PPP2R2D: variants seen among roughly 807,000 people sequenced by gnomAD.
PPP2R2D encodes protein phosphatase 2 regulatory subunit Bdelta, also known as serine/threonine-protein phosphatase 2A 55 kDa regulatory subunit B delta isoform.
Under a neutral mutation model 31.1 loss-of-function variants are expected in PPP2R2D, and 9 were observed. That is an observed-to-expected ratio of 0.29 (90% confidence interval 0.17 to 0.51). The LOEUF is 0.51. Among genes scored for constraint, PPP2R2D ranks in the 20% least tolerant of loss-of-function variants. The pLI is 0.98. For synonymous variants in PPP2R2D, 179 were observed against 172.6 expected (o/e 1.04, Z -0.29); for missense variants, 391 against 465.6 (o/e 0.84, Z 1.48).
intron 2 of PPP2R2D, among the ~76,000 whole-genome samples, chr10:131,916,542 C>G (rs367591990): frequency 6.6e-6 from 1 of 152,238 alleles, no homozygotes; most frequent in Non-Finnish European, 1.5e-5. Context: ...CTCCCCTTCT[C>G]CCCTTCCCCG....
intron 8 of PPP2R2D, among the ~76,000 whole-genome samples, chr10:131,955,049 C>T (rs1213931332): frequency 2.0e-5 from 3 of 152,064 alleles, no homozygotes; most frequent in African/African-American, 7.2e-5. Context: ...AGGATGTGTG[C>T]GGTAGTAGAA....
At chr10:131,912,929 CTT>C (rs1444557637) in intron 2 of PPP2R2D, among the ~76,000 whole-genome samples, 32 of 152,170 alleles carry the variant, frequency 2.1e-4, no homozygotes, top group Non-Finnish European at 4.3e-4. Context: ...GTGCACATTT[CTT>C]GTTTCTATTC....
intron 2 of PPP2R2D, among the ~76,000 whole-genome samples, chr10:131,908,660 C>T (rs2035635560): frequency 6.6e-6 from 1 of 152,222 alleles, no homozygotes; most frequent in Admixed American, 6.5e-5. Flanking sequence ...CTTTTCTCAT[C>T]TGTTAAACGG....
downstream of PPP2R2D, among the ~76,000 whole-genome samples, chr10:131,960,465 C>T (rs2036908223): frequency 6.6e-6 from 1 of 152,134 alleles, no homozygotes; most frequent in African/African-American, 2.4e-5. Flanking sequence ...TTTATGATGC[C>T]CTCGTGGACA....
At chr10:131,923,965 G>T (rs1156422219) in intron 2 of PPP2R2D, among the ~76,000 whole-genome samples, 8 of 152,082 alleles carry the variant, frequency 5.3e-5, no homozygotes, top group African/African-American at 1.7e-4. Flanking sequence ...TTGCTGTGTT[G>T]CCCAGGCTGG....
chr10:131,945,702 C>T lies in PPP2R2D; in HGVS notation c.820+243C>T, dbSNP rs1202079597. ...CTGACCTCAGGTGATCCCCCTACCT[C>T]GGCCTCCCAAAGTGCTGGGATTACA... On this transcript the variant is annotated intron_variant, in intron 7 of 8. Transcript: ENST00000455566. The surrounding 1 kb of genome is among the most constrained non-coding windows in gnomAD (Gnocchi z 4.8). The T allele has an allele frequency of 1.1e-5, 5 of 462,482 alleles. No homozygotes were observed. Among genetic ancestry groups the T allele is most frequent in the African/African-American group, 7.9e-5 (4 of 50,856 alleles). The allele number at this position is 462,482 out of a possible 1,614,324, so 28.6% of individuals were successfully genotyped here.
At chr10:131,939,014 CAG>C (rs1362965975) in intron 3 of PPP2R2D, among the ~76,000 whole-genome samples, 1 of 152,264 alleles carries the variant, frequency 6.6e-6, no homozygotes, top group African/African-American at 2.4e-5. Context: ...CAGAAGCAGC[CAG>C]AGACAGTATG....
chr10:131,946,860 A>G (rs532663573), intron 7 of PPP2R2D, among the ~76,000 whole-genome samples: 1 of 152,156 alleles, frequency 6.6e-6, no homozygotes, highest in African/African-American at 2.4e-5. Flanking sequence ...CTTTCTGAAA[A>G]TAGGAATCCA....
chr10:131,926,753 C>T (rs906717571), intron 2 of PPP2R2D, among the ~76,000 whole-genome samples: 1 of 152,196 alleles, frequency 6.6e-6, no homozygotes. Context: ...TGTGTGTCAT[C>T]GTTTGAGTCC....
intron 2 of PPP2R2D, among the ~76,000 whole-genome samples, chr10:131,927,742 G>A (rs2036134747): frequency 6.6e-6 from 1 of 152,202 alleles, no homozygotes; most frequent in Non-Finnish European, 1.5e-5. Flanking sequence ...GTCCTCTGCA[G>A]TGTTTGGCTT....
intron 2 of PPP2R2D, among the ~76,000 whole-genome samples, chr10:131,913,487 T>C (rs1234281875): frequency 6.6e-6 from 1 of 152,180 alleles, no homozygotes; most frequent in African/African-American, 2.4e-5. Flanking sequence ...TTTGTATTGC[T>C]GTTGCTACTC....
the PPP2R2D span, chr10:131,968,320 T>C: frequency 8.5e-6 from 4 of 472,926 alleles, no homozygotes; most frequent in Non-Finnish European, 1.1e-5. Flanking sequence ...CAGTCTGACA[T>C]GCTTATTGAT....
intron 2 of PPP2R2D, among the ~76,000 whole-genome samples, chr10:131,932,668 A>AAAAAAAAAAAC (rs1564817994): frequency 4.0e-5 from 5 of 126,550 alleles, no homozygotes; most frequent in East Asian, 4.3e-4. Context: ...AAAAAAAAAA[A>AAAAAAAAAAAC]CACACAAAAA....
intron 2 of PPP2R2D, among the ~76,000 whole-genome samples, chr10:131,910,426 C>T (rs1360639879): frequency 6.6e-6 from 1 of 152,030 alleles, no homozygotes; most frequent in Admixed American, 6.6e-5. Context: ...AAAAGTTTTC[C>T]AAAATTCTAA....
chr10:131,944,289 G>T, intron 6 of PPP2R2D, 144 bp downstream of exon 6: 1 of 673,948 alleles, frequency 1.5e-6, no homozygotes, highest in Non-Finnish European at 2.4e-6. Context: ...TAAGTTCTCT[G>T]TGATTTGAAA....
rs980999738 is a variant in PPP2R2D, at chr10:131,945,095, T to C, written c.656-200T>C. Among the ~76,000 whole-genome samples the C allele has an allele frequency of 6.6e-6, 1 of 152,180 alleles. No homozygotes were observed. Among genetic ancestry groups the C allele is most frequent in the Non-Finnish European group, 1.5e-5 (1 of 68,026 alleles). On this transcript the variant is annotated intron_variant, in intron 6 of 8. Coordinates refer to ENST00000455566, the MANE Select transcript of PPP2R2D (RefSeq NM_018461.5). This position sits in a 1 kb window ranked among gnomAD's most constrained non-coding sequence, Gnocchi z 4.8. ...CTGTGTCTCCCCCTGGGCCGGGGCG[T>C]TGCTGTAGTCTGAGTGTGCTCATCC... is the stretch of plus-strand genomic sequence containing the variant.
rs1303738370 is a variant in PPP2R2D at position 131,956,392 on chromosome 10, CCT to C, written c.*433_*434del. On this transcript the variant is annotated 3_prime_UTR_variant, in exon 9 of 9. Transcript: ENST00000455566. ...AGCGTGGTGTGGCCACCGTCCGTGTCCTCTCGGCCTTCCTCCGAGTCCAGGTG... is the reference window on the plus strand; with the variant it reads ...AGCGTGGTGTGGCCACCGTCCGTGTCCTCGGCCTTCCTCCGAGTCCAGGTG... 4.1e-6 allele frequency: 4 copies of C among 986,174 alleles called. No homozygotes were observed. The African/African-American group carries it at 7.0e-5, about 17-fold the overall frequency. The allele number at this position is 986,174 out of a possible 1,614,324, so 61.1% of individuals were successfully genotyped here.
At chr10:131,903,829 C>T (rs1243137099) in intron 2 of PPP2R2D, among the ~76,000 whole-genome samples, 2 of 152,214 alleles carry the variant, frequency 1.3e-5, no homozygotes, top group African/African-American at 2.4e-5. Context: ...AGTCGTTAGT[C>T]ACCAGGGATT....
At chr10:131,970,809 C>T in the PPP2R2D span, 1 of 1,614,228 alleles carries the variant, frequency 6.2e-7, no homozygotes, top group African/African-American at 1.3e-5. This position sits in a 1 kb window ranked among gnomAD's most constrained non-coding sequence, Gnocchi z 4.1. Flanking sequence ...AGAAACGTGT[C>T]AGCTGATGTG....
Sources: gnomAD v4.1 joint callset for allele counts (sites outside exome capture counted in the v4.1 genomes callset) on GRCh38, gnomAD v4.1.1 for gene constraint, Gnocchi (gnomAD v3.1) non-coding constraint, MANE v1.5 for transcripts, NCBI Gene and HGNC (gene_info 2026-07-23, HGNC 2026-07-21) for gene names.